Variants in ARHGEF16 observed in about 807,000 individuals in gnomAD.
ARHGEF16 encodes the protein Rho guanine nucleotide exchange factor 16.
In ARHGEF16, 59 loss-of-function variants were observed where a neutral mutation model predicts 74.1. The observed-to-expected ratio is 0.80, with a 90% CI of 0.65 to 0.99. The LOEUF is 0.99. Among genes scored for constraint, ARHGEF16 ranks in the 50% least tolerant of loss-of-function variants. The pLI is 0.00. For missense variants in ARHGEF16, 948 were observed against 986.6 expected (o/e 0.96, Z 0.52); for synonymous variants, 415 against 412.6 (o/e 1.01, Z -0.07).
intron 3 of ARHGEF16, 35 bp downstream of exon 3, chr1:3,466,228 C>A: frequency 6.5e-7 from 1 of 1,530,772 alleles, no homozygotes; most frequent in Non-Finnish European, 8.8e-7. Context: ...GCGGGCTGGG[C>A]TCCAGTTGAA....
At position 3,477,856 on chromosome 1, in the gene ARHGEF16, C is replaced by T. The variant is rs1388069525; in HGVS notation, c.1474-19C>T. 2.5e-6 allele frequency: 4 copies of T among 1,602,552 alleles called. No individual in the cohort carries two copies. The highest frequency in any genetic ancestry group is 1.3e-5 in the African/African-American group (1 of 74,838). ...CAGTCCCTCGCACTGATCTCCGCCTCCCGGCTCTGTCCCCCCAGTCCCTCC... is the reference window on the plus strand; with the variant it reads ...CAGTCCCTCGCACTGATCTCCGCCTTCCGGCTCTGTCCCCCCAGTCCCTCC... On this transcript the variant is annotated intron_variant, in intron 10 of 14. Coordinates refer to ENST00000378378, the MANE Select transcript of ARHGEF16 (RefSeq NM_014448.4).
At position 3,463,479 on chromosome 1, in the gene ARHGEF16, T is replaced by A; in HGVS notation, c.395T>A (p.Leu132Gln). The A allele has an allele frequency of 6.6e-7, 1 of 1,524,668 alleles. No individual in the cohort carries two copies. 94.4% of individuals were successfully genotyped at this position (1,524,668 alleles called of 1,614,324 possible). A position where few individuals can be genotyped will look rare whatever the true frequency, so the allele number is the denominator to read the frequency against. The part of the protein sequence containing the change: ...PKLLPAPSFS[L>Q]DDMDVDKDPG... ...CTCCTCCCAGCCCCCAGCTTCTCCC[T>A]GGATGACATGGACGTGGACAAGGAC... Residue 132 changes from leucine (L) to glutamine (Q), a missense_variant, in exon 2 of 15, where the codon CTG becomes CAG. Leu to Gln is a moderately radical substitution (Grantham distance 113). Transcript: ENST00000378378.
In ARHGEF16 at chr1:3,478,535, G is replaced by C. The variant is rs764638935; in HGVS notation, c.1737G>C (p.Val579=). Residue 579 remains valine, a synonymous_variant, in exon 12 of 15, where the codon GTG becomes GTC. Coordinates refer to ENST00000378378, the MANE Select transcript of ARHGEF16 (RefSeq NM_014448.4). ...LPGGGNRSSS[V]PHPFQVTLLR... is the part of the protein sequence containing the mutation. ...GGGGCGGCAACCGTAGCTCCTCCGT[G>C]CCCCACCCCTTCCAGGTGACCCTGC... The C allele has an allele frequency of 7.4e-6, 12 of 1,612,666 alleles. No individual in the cohort carries two copies. In the Admixed American group the frequency reaches 1.8e-4, roughly 25 times the overall value.
At chr1:3,468,404 C>T (rs979926715) in intron 4 of ARHGEF16, 4 of 188,948 alleles carry the variant, frequency 2.1e-5, no homozygotes, top group Non-Finnish European at 3.3e-5. Context: ...CCAAGGCGAC[C>T]CGCCAGCTGT....
intron 6 of ARHGEF16, among the ~76,000 whole-genome samples, chr1:3,469,967 G>A (rs72852418): frequency 0.027 from 4,088 of 152,344 alleles, 164 homozygotes; most frequent in African/African-American, 0.091. Context: ...AGGAAGCCTC[G>A]AGTTGCAGCT....
rs1471221531 is a variant in ARHGEF16 at position 3,470,972 on chromosome 1, AGG to A, written c.1022+1382_1022+1383del. Among the ~76,000 whole-genome samples the A allele has an allele frequency of 4.1e-5, 4 of 97,372 alleles. No homozygotes were observed. In the East Asian group the frequency reaches 1.4e-3, roughly 35 times the overall value. The allele number at this position is 97,372 out of a possible 152,430, so 63.9% of individuals were successfully genotyped here. A position where few individuals can be genotyped will look rare whatever the true frequency, so the allele number is the denominator to read the frequency against. On this transcript the variant is annotated intron_variant, in intron 6 of 14. Transcript: ENST00000378378. ...TGTGCGTGGGTGTGTGTGCCTGGCC[AGG>A]GGTGTGTGTGCGTGGGCAGGGGTGT... is the stretch of plus-strand genomic sequence containing the variant.
intron 6 of ARHGEF16, among the ~76,000 whole-genome samples, chr1:3,471,341 G>T (rs1639716509): frequency 6.6e-6 from 1 of 152,072 alleles, no homozygotes; most frequent in Non-Finnish European, 1.5e-5. Context: ...AACAGTGGTG[G>T]TTGCTGGCGC....
intron 3 of ARHGEF16, 130 bp from the exon 4 acceptor site, chr1:3,467,038 C>T (rs999801332): frequency 2.2e-5 from 22 of 1,005,830 alleles, no homozygotes; most frequent in Admixed American, 1.4e-4. Flanking sequence ...GGGCAGTCCC[C>T]TCCCAAAGCC....
intron 6 of ARHGEF16, among the ~76,000 whole-genome samples, chr1:3,472,449 C>A (rs974152642): frequency 5.3e-5 from 8 of 151,964 alleles, no homozygotes; most frequent in African/African-American, 1.9e-4. Flanking sequence ...GGCCCCCCCC[C>A]GGCCTTGACT....
In ARHGEF16 at chr1:3,463,270, C is replaced by A; in HGVS notation, c.186C>A (p.Pro62=). ...TCCCGGCACCCCCACAGCCTCGGCC[C>A]CCGGGGCACGAGGAGCCATGGCCCA... ...PQVPAPPQPR[P]PGHEEPWPIV... is the part of the protein sequence containing the mutation. Residue 62 remains proline, a synonymous_variant, in exon 2 of 15, where the codon CCC becomes CCA. Coordinates refer to ENST00000378378, the MANE Select transcript of ARHGEF16 (RefSeq NM_014448.4). 6.5e-7 allele frequency: 1 copy of A among 1,549,828 alleles called. No individual in the cohort carries two copies. The highest frequency in any genetic ancestry group is 8.7e-7 in the Non-Finnish European group (1 of 1,146,680).
rs1338135207 is a variant in ARHGEF16, at chr1:3,466,202, G to T, written c.634+9G>T. 1 of 1,538,046 alleles carries T rather than the reference G, an allele frequency of 6.5e-7. No homozygotes were observed. The highest frequency in any genetic ancestry group is 8.8e-7 in the Non-Finnish European group (1 of 1,141,404). On this transcript the variant is annotated intron_variant, in intron 3 of 14. Coordinates refer to ENST00000378378, the MANE Select transcript of ARHGEF16 (RefSeq NM_014448.4). ...GGGTTCCTTCAAGGACGGTGAGTGTGGCTTCGGGAGGCACCGCGGGCTGGG... is the reference window on the plus strand; with the variant it reads ...GGGTTCCTTCAAGGACGGTGAGTGTTGCTTCGGGAGGCACCGCGGGCTGGG...
At chr1:3,468,405 C>A (rs1455820813) in intron 4 of ARHGEF16, 1 of 194,568 alleles carries the variant, frequency 5.1e-6, no homozygotes, top group Non-Finnish European at 1.1e-5. Flanking sequence ...CAAGGCGACC[C>A]GCCAGCTGTG....
Position 3,479,830 on chromosome 1 carries a change from T to A in ARHGEF16, c.1907T>A (p.Ile636Asn). The part of the protein sequence containing the change: ...SSKGDLPQVE[I>N]TKAFFAKQAD... ...TATGCAGACCTGCCCCAGGTGGAGATCACCAAGGCCTTCTTCGCGAAGCAA... is the reference window on the plus strand; with the variant it reads ...TATGCAGACCTGCCCCAGGTGGAGAACACCAAGGCCTTCTTCGCGAAGCAA... The change falls in exon 14 of 15, where the codon ATC becomes AAC. Residue 636 changes from isoleucine (I) to asparagine (N), a missense_variant. Coordinates refer to ENST00000378378, the MANE Select transcript of ARHGEF16 (RefSeq NM_014448.4). 1 of 1,612,094 alleles carries A rather than the reference T, an allele frequency of 6.2e-7. No individual in the cohort carries two copies.
chr1:3,468,132 G>A (rs571459165), intron 4 of ARHGEF16, among the ~76,000 whole-genome samples: 14 of 152,316 alleles, frequency 9.2e-5, no homozygotes, highest in East Asian at 7.7e-4. Flanking sequence ...AGCTGGGGGC[G>A]TGTGGTCTCC....
intron 1 of ARHGEF16, among the ~76,000 whole-genome samples, chr1:3,459,567 G>A (rs1035468287): frequency 3.9e-5 from 6 of 152,170 alleles, no homozygotes; most frequent in Non-Finnish European, 8.8e-5. Flanking sequence ...AGGAGGTCCT[G>A]GGATCCGCCC....
chr1:3,454,970 G>T (rs963184213), intron 1 of ARHGEF16, among the ~76,000 whole-genome samples, 159 bp downstream of exon 1: 4 of 152,058 alleles, frequency 2.6e-5, no homozygotes, highest in African/African-American at 9.7e-5. Context: ...ACAACTTCGC[G>T]ACCCTCCTGG....
In ARHGEF16 at chr1:3,463,404, G is replaced by A; in HGVS notation, c.320G>A (p.Ser107Asn). ...SKAKTPARHQ[S>N]FGAAVLSREA... ...GCAAAGACCCCAGCCCGCCACCAGAGCTTCGGGGCGGCTGTACTTAGCAGG... is the reference window on the plus strand; with the variant it reads ...GCAAAGACCCCAGCCCGCCACCAGAACTTCGGGGCGGCTGTACTTAGCAGG... The change falls in exon 2 of 15, where the codon AGC becomes AAC. Residue 107 changes from serine (S) to asparagine (N), a missense_variant. Physicochemically the swap from Ser to Asn is conservative, Grantham distance 46. Transcript: ENST00000378378. 4.5e-6 allele frequency: 7 copies of A among 1,550,174 alleles called. No homozygotes were observed. Among genetic ancestry groups the A allele is most frequent in the Non-Finnish European group, 6.1e-6 (7 of 1,146,852 alleles).
chr1:3,479,776 T>C lies in ARHGEF16; in HGVS notation c.1889-36T>C, dbSNP rs767334282. ...TGGGGAGTGGAGCCTGGCCCATGCC[T>C]CCCGACAGCCCTGTGATGGCCACTG... On this transcript the variant is annotated intron_variant, in intron 13 of 14. Coordinates refer to ENST00000378378, the MANE Select transcript of ARHGEF16 (RefSeq NM_014448.4). 3.7e-6 allele frequency: 6 copies of C among 1,603,798 alleles called. No individual in the cohort carries two copies. In the Admixed American group the frequency reaches 1.0e-4, roughly 27 times the overall value.
In ARHGEF16 at chr1:3,473,410, TC is replaced by T; in HGVS notation, c.1195del (p.Arg399GlufsTer4). On this transcript the variant is annotated frameshift_variant, in exon 8 of 15. Coordinates refer to ENST00000378378, the MANE Select transcript of ARHGEF16 (RefSeq NM_014448.4). LOFTEE classifies it high-confidence loss of function. ...TCTTGCAGAAGCAGCAACGCCGCCT[TC>T]CGAGAGGCCCTGAGAGAGATTGAGA... Reference protein sequence around the residue: ...LQKLISSNAAFREALREIERR... With the variant: ...LQKLISSNAAXREALREIERR... 1 of 1,609,694 alleles carries T rather than the reference TC, an allele frequency of 6.2e-7. No individual in the cohort carries two copies. Among genetic ancestry groups the T allele is most frequent in the South Asian group, 1.1e-5 (1 of 90,846 alleles).
Sources: gnomAD v4.1 joint callset for allele counts (sites outside exome capture counted in the v4.1 genomes callset) on GRCh38, gnomAD v4.1.1 for gene constraint, MANE v1.5 for transcripts, NCBI Gene and HGNC (gene_info 2026-07-23, HGNC 2026-07-21) for gene names.